The following CADM2 variants were observed in gnomAD, a reference collection of about 807,000 sequenced individuals.
CADM2 encodes the protein cell adhesion molecule 2, also known as immunoglobulin superfamily member 4D.
Under a neutral mutation model 49.8 loss-of-function variants are expected in CADM2, and 12 were observed. The observed-to-expected ratio is 0.24, with a 90% CI of 0.15 to 0.39. The LOEUF (loss-of-function observed/expected upper bound fraction) is 0.39. Among genes scored for constraint, CADM2 ranks in the 10% least tolerant of loss-of-function variants. The pLI, the probability that CADM2 is intolerant of heterozygous loss-of-function variation, is 1.00. For synonymous variants in CADM2, 214 were observed against 175.4 expected, an observed-to-expected ratio of 1.22 and a Z score of -1.74; for missense variants, 378 against 492.3, an observed-to-expected ratio of 0.77 and a Z score of 2.20.
At chr3:85,483,052 T>G (rs898020998) in intron 1 of CADM2, among the ~76,000 whole-genome samples, 2 of 151,620 alleles carry the variant, frequency 1.3e-5, no homozygotes, top group African/African-American at 4.8e-5. Context: ...CCTTTCTGCA[T>G]TTCTCAAAAC....
intron 1 of CADM2, among the ~76,000 whole-genome samples, chr3:85,504,281 C>G (rs1042112113): frequency 6.6e-6 from 1 of 151,642 alleles, no homozygotes; most frequent in African/African-American, 2.4e-5. Context: ...CCGGTGGGCT[C>G]GTGGTCTCGC....
intron 1 of CADM2, among the ~76,000 whole-genome samples, chr3:85,260,433 A>G (rs1300532202): frequency 6.6e-6 from 1 of 152,142 alleles, no homozygotes; most frequent in South Asian, 2.1e-4. Flanking sequence ...TAGGATATTT[A>G]TTTCATCTAG....
chr3:85,107,029 A>G (rs2038253268), intron 1 of CADM2, among the ~76,000 whole-genome samples: 1 of 152,184 alleles, frequency 6.6e-6, no homozygotes, highest in Non-Finnish European at 1.5e-5. Flanking sequence ...GGGAGACAGA[A>G]GCAGCCAAAG....
chr3:85,633,561 A>G (rs575053983), intron 1 of CADM2, among the ~76,000 whole-genome samples: 2 of 152,174 alleles, frequency 1.3e-5, no homozygotes, highest in Non-Finnish European at 2.9e-5. Context: ...TTTTAAAGGT[A>G]GGACAAGGGC....
chr3:84,999,705 C>T (rs1391346424), intron 1 of CADM2, among the ~76,000 whole-genome samples: 2 of 152,142 alleles, frequency 1.3e-5, no homozygotes, highest in Non-Finnish European at 2.9e-5. Context: ...GTGCTCTGCA[C>T]ATGTCGGCAA....
At chr3:85,091,531 A>T (rs1390477785) in intron 1 of CADM2, among the ~76,000 whole-genome samples, 1 of 152,174 alleles carries the variant, frequency 6.6e-6, no homozygotes, top group African/African-American at 2.4e-5. Flanking sequence ...TGAAAATAAA[A>T]TAATATTTTA....
At chr3:85,870,183 A>G (rs1257654191) in intron 3 of CADM2, among the ~76,000 whole-genome samples, 2 of 152,056 alleles carry the variant, frequency 1.3e-5, no homozygotes, top group Non-Finnish European at 2.9e-5. Context: ...GAATAGGTAG[A>G]TGCATAGACA....
intron 1 of CADM2, among the ~76,000 whole-genome samples, chr3:85,488,570 T>C (rs531904361): frequency 3.0e-4 from 45 of 152,192 alleles, no homozygotes; most frequent in African/African-American, 1.1e-3. Context: ...TCTCGCTCTG[T>C]CACCAGGCTG....
In CADM2 at chr3:85,721,635, G is replaced by A. The variant is rs148795719; in HGVS notation, c.62-4887G>A. 4.7e-3 allele frequency among the ~76,000 whole-genome samples: 719 copies of A among 152,304 alleles called. 7 individuals are homozygous for A. Among genetic ancestry groups the A allele is most frequent in the African/African-American group, 0.016 (675 of 41,570 alleles). On this transcript the variant is annotated intron_variant, in intron 1 of 9. Coordinates refer to ENST00000383699, the MANE Select transcript of CADM2 (RefSeq NM_001167675.2). Reference sequence around the variant, plus strand: ...CTCCGTGAGGCTGCAGCTGGACCAGGTGCACTGCAAGAAGCTTCCACAGCT... The same window carrying A: ...CTCCGTGAGGCTGCAGCTGGACCAGATGCACTGCAAGAAGCTTCCACAGCT...
chr3:85,910,065 A>G (rs1408806870), intron 5 of CADM2, among the ~76,000 whole-genome samples: 2 of 152,176 alleles, frequency 1.3e-5, no homozygotes, highest in East Asian at 3.8e-4. Flanking sequence ...TTAAAATTTT[A>G]TGATTTATAC....
intron 1 of CADM2, among the ~76,000 whole-genome samples, chr3:85,498,039 C>A (rs755889904): frequency 2.6e-5 from 4 of 152,070 alleles, no homozygotes; most frequent in Non-Finnish European, 5.9e-5. Context: ...AATGGACATA[C>A]ACACAGTGGC....
At position 86,067,618 on chromosome 3, in the gene CADM2, G is replaced by C. The variant is rs1357346844; in HGVS notation, c.*835G>C. 1.3e-5 allele frequency: 2 copies of C among 152,350 alleles called. No homozygotes were observed. Among genetic ancestry groups the C allele is most frequent in the Non-Finnish European group, 2.9e-5 (2 of 67,914 alleles). 9.4% of individuals were successfully genotyped at this position (152,350 alleles called of 1,614,324 possible). A position where few individuals can be genotyped will look rare whatever the true frequency, so the allele number is the denominator to read the frequency against. ...ATTCACCTGCCTAAACAATATTGAA[G>C]TATCCATAGGGCACAATTTTCAGAC... On this transcript the variant is annotated 3_prime_UTR_variant, in exon 10 of 10. Coordinates refer to ENST00000383699, the MANE Select transcript of CADM2 (RefSeq NM_001167675.2).
At chr3:85,862,820 G>T (rs1214070292) in intron 3 of CADM2, among the ~76,000 whole-genome samples, 1 of 152,164 alleles carries the variant, frequency 6.6e-6, no homozygotes, top group Admixed American at 6.5e-5. Flanking sequence ...GAATTTGAAT[G>T]TTGATTATAC....
At chr3:85,560,605 T>A (rs977369103) in intron 1 of CADM2, among the ~76,000 whole-genome samples, 5 of 152,198 alleles carry the variant, frequency 3.3e-5, no homozygotes, top group African/African-American at 1.2e-4. Context: ...GATTGCCAAG[T>A]CAAATGCTGA....
intron 1 of CADM2, among the ~76,000 whole-genome samples, chr3:85,167,152 G>A (rs1486669850): frequency 1.3e-5 from 2 of 151,936 alleles, no homozygotes; most frequent in Non-Finnish European, 2.9e-5. Flanking sequence ...TAAGGAATAT[G>A]TACTTTCAAA....
At chr3:85,783,611 A>T (rs2070789742) in intron 2 of CADM2, among the ~76,000 whole-genome samples, 1 of 152,190 alleles carries the variant, frequency 6.6e-6, no homozygotes, top group Admixed American at 6.6e-5. Context: ...TTCAAGAAAA[A>T]AACGAAAGAA....
intron 5 of CADM2, among the ~76,000 whole-genome samples, chr3:85,899,220 C>T (rs779191960): frequency 2.0e-5 from 3 of 151,650 alleles, no homozygotes; most frequent in Non-Finnish European, 4.4e-5. Flanking sequence ...CCCACCTTGG[C>T]CTCCCAGAGT....
intron 3 of CADM2, among the ~76,000 whole-genome samples, chr3:85,826,200 T>G (rs2073901457): frequency 6.6e-6 from 1 of 152,016 alleles, no homozygotes; most frequent in Non-Finnish European, 1.5e-5. Context: ...AAGTACATTA[T>G]CAATCACTTT....
At chr3:86,042,357 G>A (rs1736058288) in intron 8 of CADM2, among the ~76,000 whole-genome samples, 1 of 151,920 alleles carries the variant, frequency 6.6e-6, no homozygotes, top group Non-Finnish European at 1.5e-5. Flanking sequence ...AGAAAAGAGA[G>A]AAGAATCAAA....
Sources: gnomAD v4.1 joint callset for allele counts (sites outside exome capture counted in the v4.1 genomes callset) on GRCh38, gnomAD v4.1.1 for gene constraint, MANE v1.5 for transcripts, NCBI Gene and HGNC (gene_info 2026-07-23, HGNC 2026-07-21) for gene names.